The following CCDC148 variants were observed in gnomAD, a reference collection of about 807,000 sequenced individuals.
The protein encoded by CCDC148 is coiled-coil domain containing 148.
CCDC148 carries 89 observed loss-of-function variants against 85.7 expected under a neutral mutation model. The ratio of observed to expected loss-of-function variants is 1.04; its 90% CI spans 0.87 to 1.24. The LOEUF (loss-of-function observed/expected upper bound fraction) is 1.24. CCDC148 is among the 50% of genes most tolerant of loss of function. The pLI is 0.00. For missense variants in CCDC148, 692 were observed against 671.7 expected (o/e 1.03, Z -0.33); for synonymous variants, 230 against 213.9 (o/e 1.08, Z -0.66).
chr2:158,406,610 T>G (rs1197952357), intron 1 of CCDC148, among the ~76,000 whole-genome samples: 1 of 111,696 alleles, frequency 9.0e-6, no homozygotes, highest in East Asian at 2.4e-4. Flanking sequence ...ACAGATTAAA[T>G]TTCTTTTTTT....
intron 1 of CCDC148, among the ~76,000 whole-genome samples, chr2:158,456,010 T>C (rs371582377): frequency 1.3e-5 from 2 of 152,332 alleles, no homozygotes; most frequent in East Asian, 3.9e-4. Flanking sequence ...GTGTGAAGGA[T>C]TGTTTCTGTT....
intron 1 of CCDC148, among the ~76,000 whole-genome samples, chr2:158,372,554 C>T (rs1684486489): frequency 6.6e-6 from 1 of 152,152 alleles, no homozygotes; most frequent in East Asian, 1.9e-4. Flanking sequence ...TCCCAGCCTA[C>T]ATACCTGGAC....
At chr2:158,257,748 C>T (rs1023728448) in intron 9 of CCDC148, among the ~76,000 whole-genome samples, 1 of 151,768 alleles carries the variant, frequency 6.6e-6, no homozygotes, top group African/African-American at 2.4e-5. Context: ...TCGACTGTTC[C>T]ATGTCCTTTA....
At chr2:158,279,969 A>AT (rs1221114575) in intron 9 of CCDC148, among the ~76,000 whole-genome samples, 1 of 151,736 alleles carries the variant, frequency 6.6e-6, no homozygotes, top group Non-Finnish European at 1.5e-5. Flanking sequence ...GGGGGCCAAT[A>AT]TTCAACATTC....
At chr2:158,418,569 T>C (rs1465336616) in intron 1 of CCDC148, among the ~76,000 whole-genome samples, 1 of 152,164 alleles carries the variant, frequency 6.6e-6, no homozygotes, top group Non-Finnish European at 1.5e-5. Flanking sequence ...AATGGCTAGT[T>C]CCTTCTCATA....
At chr2:158,449,912 C>T (rs1688326900) in intron 1 of CCDC148, among the ~76,000 whole-genome samples, 1 of 151,976 alleles carries the variant, frequency 6.6e-6, no homozygotes, top group Non-Finnish European at 1.5e-5. Flanking sequence ...CCCTTCTATT[C>T]TTAGTATGTT....
chr2:158,201,315 T>TAAA, intron 11 of CCDC148, among the ~76,000 whole-genome samples: 1 of 152,320 alleles, frequency 6.6e-6, no homozygotes, highest in Middle Eastern at 3.4e-3. Flanking sequence ...CCAATAATAA[T>TAAA]AAACCTAACC....
intron 2 of CCDC148, among the ~76,000 whole-genome samples, chr2:158,351,209 TA>T (rs1683252995): frequency 6.6e-6 from 1 of 152,074 alleles, no homozygotes; most frequent in Admixed American, 6.6e-5. Context: ...GTAAACTTCA[TA>T]AAGGTAAGGG....
chr2:158,435,151 G>C (rs1189157157), intron 1 of CCDC148, among the ~76,000 whole-genome samples: 1 of 152,108 alleles, frequency 6.6e-6, no homozygotes, highest in Admixed American at 6.6e-5. Context: ...TCCTCGAGAA[G>C]AGCAACTCCA....
intron 1 of CCDC148, among the ~76,000 whole-genome samples, chr2:158,438,326 C>T (rs1190430737): frequency 6.6e-6 from 1 of 152,106 alleles, no homozygotes; most frequent in African/African-American, 2.4e-5. Context: ...TGCCGCATAT[C>T]TACAACCATC....
chr2:158,244,377 T>C (rs1208094660), intron 10 of CCDC148, among the ~76,000 whole-genome samples: 1 of 152,200 alleles, frequency 6.6e-6, no homozygotes, highest in Non-Finnish European at 1.5e-5. Context: ...GGTTGGGCTC[T>C]CTGCTTATGG....
intron 9 of CCDC148, among the ~76,000 whole-genome samples, chr2:158,283,726 C>T (rs1690463158): frequency 6.6e-6 from 1 of 151,758 alleles, no homozygotes; most frequent in Non-Finnish European, 1.5e-5. Context: ...GGCGATTCCT[C>T]AGGGATCTAG....
At chr2:158,281,792 C>T (rs143135915) in intron 9 of CCDC148, among the ~76,000 whole-genome samples, 54,947 of 151,886 alleles carry the variant, frequency 0.36, 11,536 homozygotes, top group South Asian at 0.61. Context: ...CCAGCATCAT[C>T]CTGATACCAA....
At chr2:158,305,624 C>A (rs926407346) in intron 9 of CCDC148, among the ~76,000 whole-genome samples, 4 of 151,984 alleles carry the variant, frequency 2.6e-5, no homozygotes, top group Admixed American at 1.3e-4. Flanking sequence ...CATAGTGGTG[C>A]ATGCCTGTGG....
chr2:158,359,649 G>A (rs1334946038), intron 1 of CCDC148, among the ~76,000 whole-genome samples: 2 of 152,158 alleles, frequency 1.3e-5, no homozygotes, highest in Non-Finnish European at 2.9e-5. Context: ...GTGCACCCCA[G>A]CCCAAATACT....
chr2:158,304,305 T>C (rs1225146045), intron 9 of CCDC148, among the ~76,000 whole-genome samples: 2 of 152,118 alleles, frequency 1.3e-5, no homozygotes, highest in Non-Finnish European at 2.9e-5. Context: ...ACTGACACTG[T>C]CCTAAGTAAG....
intron 1 of CCDC148, among the ~76,000 whole-genome samples, chr2:158,399,193 G>A (rs778337515): frequency 1.7e-4 from 26 of 152,156 alleles, no homozygotes; most frequent in South Asian, 4.1e-4. Flanking sequence ...TTCTACCAGC[G>A]GTACAAGGAG....
chr2:158,268,075 GTGAACA>G (rs1206888932), intron 9 of CCDC148, among the ~76,000 whole-genome samples: 19 of 152,170 alleles, frequency 1.2e-4, no homozygotes, highest in Admixed American at 1.2e-3. Context: ...CAGGTTTTGT[GTGAACA>G]TAAGTTTTTA....
chr2:158,362,328 G>C (rs1368418468), intron 1 of CCDC148, among the ~76,000 whole-genome samples: 1 of 152,162 alleles, frequency 6.6e-6, no homozygotes. Context: ...AGACTTAATA[G>C]ACAGCTACAG....
Sources: gnomAD v4.1 joint callset for allele counts (sites outside exome capture counted in the v4.1 genomes callset) on GRCh38, gnomAD v4.1.1 for gene constraint, MANE v1.5 for transcripts, NCBI Gene and HGNC (gene_info 2026-07-23, HGNC 2026-07-21) for gene names.